The following ABHD3 variants were observed in gnomAD, a reference collection of about 807,000 sequenced individuals.
ABHD3 encodes the protein phospholipase ABHD3.
Under a neutral mutation model 48.8 loss-of-function variants are expected in ABHD3, and 46 were observed. That is an observed-to-expected ratio of 0.94 (90% CI 0.74 to 1.20). ABHD3 has a LOEUF of 1.20. Ranked by LOEUF, ABHD3 falls within the 50% of genes most tolerant of loss-of-function variation. The pLI, the probability that ABHD3 is intolerant of heterozygous loss-of-function variation, is 0.00. For missense variants in ABHD3, 490 were observed against 497.8 expected (o/e 0.98, Z 0.15); for synonymous variants, 192 against 183.7 (o/e 1.04, Z -0.36).
In ABHD3 at chr18:21,659,168, A is replaced by G. The variant is rs766533191; in HGVS notation, c.842+2T>C. 1.9e-6 allele frequency: 3 copies of G among 1,610,316 alleles called. No individual in the cohort carries two copies. Among genetic ancestry groups the G allele is most frequent in the Non-Finnish European group, 1.7e-6 (2 of 1,178,742 alleles). On this transcript the variant is annotated splice_donor_variant, in intron 6 of 8. Transcript: ENST00000289119. LOFTEE classifies it high-confidence loss of function. ...AGACAACAGATTTTAAAGATGACTC[A>G]CTTATTAACTGAAGACTGAAGGCAG...
chr18:21,676,321 A>G (rs1451384041), intron 4 of ABHD3, among the ~76,000 whole-genome samples: 1 of 152,244 alleles, frequency 6.6e-6, no homozygotes, highest in African/African-American at 2.4e-5. Flanking sequence ...TGATTTAGCC[A>G]TTTCACAATG....
chr18:21,651,250 A>T lies in ABHD3; in HGVS notation c.*341T>A, dbSNP rs1598501594. 2 of 165,306 alleles carry T rather than the reference A, an allele frequency of 1.2e-5. No individual in the cohort carries two copies. Among genetic ancestry groups the T allele is most frequent in the East Asian group, 3.4e-4 (2 of 5,834 alleles). 10.2% of individuals were successfully genotyped at this position (165,306 alleles called of 1,614,324 possible). On this transcript the variant is annotated 3_prime_UTR_variant, in exon 9 of 9. Coordinates refer to ENST00000289119, the MANE Select transcript of ABHD3 (RefSeq NM_138340.5). ...TTAAATCACCTAAAACAAATAATCT[A>T]AAAAAATACTAGTTTAAATTAAAAC...
chr18:21,677,099 A>G (rs2146309045), intron 4 of ABHD3, among the ~76,000 whole-genome samples: 1 of 152,264 alleles, frequency 6.6e-6, no homozygotes, highest in Admixed American at 6.5e-5. Context: ...CCTATTTTGA[A>G]TATTTCATAT....
intron 3 of ABHD3, among the ~76,000 whole-genome samples, chr18:21,687,383 T>A (rs1950999557): frequency 8.0e-6 from 1 of 124,292 alleles, no homozygotes; most frequent in Admixed American, 8.3e-5. Context: ...TAATTTTTTG[T>A]ATTTTTTTTA....
chr18:21,698,742 A>C (rs1193006452), intron 3 of ABHD3, among the ~76,000 whole-genome samples: 1 of 150,268 alleles, frequency 6.7e-6, no homozygotes, highest in African/African-American at 2.5e-5. Flanking sequence ...ACATCCAGCT[A>C]ATTTTTCTCT....
chr18:21,659,961 CCTTTT>C (rs1237636953), intron 5 of ABHD3, among the ~76,000 whole-genome samples: 3 of 126,536 alleles, frequency 2.4e-5, no homozygotes, highest in African/African-American at 1.0e-4. Context: ...TTGCACCCGG[CCTTTT>C]TTTTTTTTTT....
chr18:21,696,694 C>T (rs1004143898), intron 3 of ABHD3, among the ~76,000 whole-genome samples: 16 of 151,914 alleles, frequency 1.1e-4, no homozygotes, highest in Non-Finnish European at 7.4e-5. Context: ...AAACATATTT[C>T]TGGTCTTTTA....
chr18:21,675,776 T>C (rs2039869538), intron 4 of ABHD3, among the ~76,000 whole-genome samples: 1 of 152,108 alleles, frequency 6.6e-6, no homozygotes, highest in South Asian at 2.1e-4. Flanking sequence ...TTTTAAAGTA[T>C]ATTAACCATT....
chr18:21,653,142 T>A (rs1349896097), intron 8 of ABHD3, among the ~76,000 whole-genome samples: 2 of 124,844 alleles, frequency 1.6e-5, no homozygotes, highest in African/African-American at 3.1e-5. Context: ...GGCAGGTGGA[T>A]CATGATGTCA....
chr18:21,667,380 G>A (rs2039659276), intron 4 of ABHD3, among the ~76,000 whole-genome samples: 2 of 151,480 alleles, frequency 1.3e-5, no homozygotes, highest in Non-Finnish European at 2.9e-5. Flanking sequence ...GAGTAGCTGA[G>A]ATTACAGGCC....
intron 4 of ABHD3, among the ~76,000 whole-genome samples, chr18:21,668,647 C>T (rs1488709483): frequency 6.6e-6 from 1 of 152,088 alleles, no homozygotes; most frequent in Admixed American, 6.6e-5. Flanking sequence ...GTAATAAGAA[C>T]CTAATTCTTG....
At chr18:21,655,978 G>A (rs1378562365) in intron 8 of ABHD3, among the ~76,000 whole-genome samples, 1 of 150,582 alleles carries the variant, frequency 6.6e-6, no homozygotes, top group Non-Finnish European at 1.5e-5. Context: ...CCAATATGGT[G>A]AAACCCCATC....
intron 4 of ABHD3, among the ~76,000 whole-genome samples, chr18:21,680,756 T>C (rs2039985622): frequency 6.6e-6 from 1 of 152,174 alleles, no homozygotes; most frequent in African/African-American, 2.4e-5. Context: ...AATTTCTAAT[T>C]TAACTTTAAA....
intron 8 of ABHD3, among the ~76,000 whole-genome samples, chr18:21,652,486 A>G (rs1357109505): frequency 6.6e-6 from 1 of 152,126 alleles, no homozygotes; most frequent in Non-Finnish European, 1.5e-5. Flanking sequence ...AAAAAGAAAG[A>G]AAGAGAGAGG....
Position 21,704,746 on chromosome 18 carries a change from C to A in ABHD3, c.-81G>T, listed in dbSNP as rs1234291526. 6.7e-5 allele frequency: 65 copies of A among 968,128 alleles called. No individual in the cohort carries two copies. Among genetic ancestry groups the A allele is most frequent in the African/African-American group, 5.0e-4 (12 of 23,840 alleles). The allele number at this position is 968,128 out of a possible 1,614,324, so 60.0% of individuals were successfully genotyped here. ...GGGCGAGAGCGGGCGAGAGCGGACG[C>A]GGCGCCGCTGCCTACTCCCGACCAC... On this transcript the variant is annotated 5_prime_UTR_variant, in exon 1 of 9. Coordinates refer to ENST00000289119, the MANE Select transcript of ABHD3 (RefSeq NM_138340.5).
chr18:21,688,975 G>A (rs770173883), intron 3 of ABHD3, among the ~76,000 whole-genome samples: 1 of 152,150 alleles, frequency 6.6e-6, no homozygotes, highest in Non-Finnish European at 1.5e-5. Flanking sequence ...TGAATTCCAG[G>A]TAAAGAAAAG....
intron 4 of ABHD3, among the ~76,000 whole-genome samples, chr18:21,683,295 T>C (rs951089652): frequency 1.3e-5 from 2 of 152,158 alleles, no homozygotes; most frequent in African/African-American, 2.4e-5. Flanking sequence ...GTGAAAGATC[T>C]ATCCTAGCAA....
chr18:21,670,057 T>G (rs183455592), intron 4 of ABHD3, among the ~76,000 whole-genome samples: 2 of 152,300 alleles, frequency 1.3e-5, no homozygotes, highest in African/African-American at 4.8e-5. Context: ...TGGGAGACTG[T>G]TGAACAAGGC....
In ABHD3 at chr18:21,703,601, G is replaced by C. The variant is rs1239091392; in HGVS notation, c.309C>G (p.Pro103=). ...TCACTTACTTCCTGTACTGCACCGG[G>C]GGCTTCGAAGTGATGAAAGGTCTAA... The part of the protein sequence containing the change: ...TLLRPFITSK[P]PVQYRNELIK... The change falls in exon 2 of 9, where the codon CCC becomes CCG. Residue 103 remains proline (P), a synonymous_variant. Transcript: ENST00000289119. 2 of 1,612,886 alleles carry C rather than the reference G, an allele frequency of 1.2e-6. No homozygotes were observed. Among genetic ancestry groups the C allele is most frequent in the African/African-American group, 1.3e-5 (1 of 74,878 alleles).
Sources: allele counts gnomAD v4.1 joint callset (sites outside exome capture counted in the v4.1 genomes callset), GRCh38; gene constraint gnomAD v4.1.1; transcripts MANE v1.5; gene names NCBI Gene and HGNC (gene_info 2026-07-23, HGNC 2026-07-21).